The following PEPD variants were observed in gnomAD, a reference collection of about 807,000 sequenced individuals.
The protein encoded by PEPD is xaa-Pro dipeptidase.
A neutral mutation model predicts 60.7 loss-of-function variants in PEPD; 53 were observed. The observed-to-expected ratio is 0.87, with a 90% CI of 0.70 to 1.10. The LOEUF is 1.10. Among genes scored for constraint, PEPD ranks in the 50% least tolerant of loss-of-function variants. The pLI is 0.00. For missense variants in PEPD, 711 were observed against 711.9 expected (o/e 1.00, Z 0.01); for synonymous variants, 267 against 284.1 (o/e 0.94, Z 0.60).
intron 1 of PEPD, among the ~76,000 whole-genome samples, chr19:33,520,640 C>T (rs940115213): frequency 2.6e-5 from 4 of 152,188 alleles, no homozygotes; most frequent in African/African-American, 2.4e-5. Flanking sequence ...GCTCCCTCAA[C>T]CTTGGGGGCC....
chr19:33,442,317 G>A (rs1219960230), intron 9 of PEPD, among the ~76,000 whole-genome samples: 3 of 151,872 alleles, frequency 2.0e-5, no homozygotes, highest in Non-Finnish European at 2.9e-5. Context: ...TGAGGCAGAA[G>A]AATTGCTTGA....
At chr19:33,422,169 T>C (rs1005219703) in intron 9 of PEPD, among the ~76,000 whole-genome samples, 3 of 152,062 alleles carry the variant, frequency 2.0e-5, no homozygotes, top group Non-Finnish European at 4.4e-5. Flanking sequence ...GAACAGCTTT[T>C]TCTCTCTGCC....
intron 13 of PEPD, among the ~76,000 whole-genome samples, chr19:33,389,308 C>T (rs575749109): frequency 7.4e-4 from 113 of 152,218 alleles, no homozygotes; most frequent in African/African-American, 2.5e-3. Flanking sequence ...GGCCGCTGAC[C>T]GGGAGCTGAG....
At chr19:33,455,530 T>G (rs1310612537) in intron 9 of PEPD, among the ~76,000 whole-genome samples, 2 of 150,810 alleles carry the variant, frequency 1.3e-5, no homozygotes, top group Non-Finnish European at 3.0e-5. Context: ...AGAGATGGAG[T>G]CTCACTCTGT....
chr19:33,472,247 G>A (rs1456484167), intron 7 of PEPD, among the ~76,000 whole-genome samples: 4 of 152,096 alleles, frequency 2.6e-5, no homozygotes, highest in Non-Finnish European at 4.4e-5. Context: ...AGGATGACCT[G>A]AGCCTGGGAG....
At chr19:33,480,104 G>A (rs898618674) in intron 6 of PEPD, among the ~76,000 whole-genome samples, 1 of 152,128 alleles carries the variant, frequency 6.6e-6, no homozygotes, top group African/African-American at 2.4e-5. Flanking sequence ...TTTAATAAAA[G>A]CCAGACAGAA....
At position 33,433,486 on chromosome 19, in the gene PEPD, T is replaced by C. The variant is rs891695126; in HGVS notation, c.672-19843A>G. On this transcript the variant is annotated intron_variant, in intron 9 of 14. Transcript: ENST00000244137. ...TATATTAATTTTACATCCCCTTTTT[T>C]ACCTATTTCAGTGGCTATGAACTGT... is the stretch of plus-strand genomic sequence containing the variant. Among the ~76,000 whole-genome samples, 3 of 152,260 alleles carry C rather than the reference T, an allele frequency of 2.0e-5. No homozygotes were observed. In the East Asian group the frequency reaches 5.8e-4, roughly 29 times the overall value.
chr19:33,506,352 ACT>A (rs1243262110), intron 3 of PEPD, among the ~76,000 whole-genome samples: 2 of 132,158 alleles, frequency 1.5e-5, no homozygotes, highest in Non-Finnish European at 1.6e-5. Context: ...AACACAGGAC[ACT>A]CACACCCACC....
chr19:33,407,211 C>T (rs991602012), intron 11 of PEPD, among the ~76,000 whole-genome samples: 5 of 152,228 alleles, frequency 3.3e-5, no homozygotes, highest in Non-Finnish European at 7.3e-5. Flanking sequence ...GCTGCTTTCC[C>T]AACCAGAGCC....
At chr19:33,520,229 G>A (rs2145367116) in intron 1 of PEPD, among the ~76,000 whole-genome samples, 2 of 152,262 alleles carry the variant, frequency 1.3e-5, no homozygotes. Flanking sequence ...CTCCCTGTGA[G>A]CACCGAGCCA....
intron 11 of PEPD, among the ~76,000 whole-genome samples, chr19:33,411,364 C>G (rs1968767477): frequency 6.6e-6 from 1 of 152,206 alleles, no homozygotes; most frequent in South Asian, 2.1e-4. Flanking sequence ...ACAGCCTGGA[C>G]AGAGGCTGGG....
intron 1 of PEPD, among the ~76,000 whole-genome samples, chr19:33,520,382 T>C (rs1258458316): frequency 6.6e-6 from 1 of 152,246 alleles, no homozygotes; most frequent in Non-Finnish European, 1.5e-5. Context: ...GTTCTCTACC[T>C]GAAGGGAGTC....
chr19:33,416,591 G>A (rs538582078), intron 9 of PEPD, among the ~76,000 whole-genome samples: 9 of 152,320 alleles, frequency 5.9e-5, no homozygotes, highest in African/African-American at 1.7e-4. Flanking sequence ...CAAGCCCAGC[G>A]CGCACCTCCT....
chr19:33,453,317 A>AAAAAAATAAAT (rs1555762504), intron 9 of PEPD, among the ~76,000 whole-genome samples: 9 of 148,656 alleles, frequency 6.1e-5, no homozygotes, highest in African/African-American at 1.8e-4. Flanking sequence ...CTGTCATAAA[A>AAAAAAATAAAT]AAATAAATAA....
chr19:33,465,232 G>C (rs917396558), intron 7 of PEPD, among the ~76,000 whole-genome samples: 1 of 152,162 alleles, frequency 6.6e-6, no homozygotes, highest in African/African-American at 2.4e-5. Flanking sequence ...CCAAAGCCAG[G>C]TGGAATGCTC....
chr19:33,457,064 A>T (rs1411919232), intron 9 of PEPD, among the ~76,000 whole-genome samples: 1 of 147,880 alleles, frequency 6.8e-6, no homozygotes, highest in East Asian at 2.0e-4. Flanking sequence ...ACACGGGAGG[A>T]GGACCATGTG....
chr19:33,461,592 T>C (rs937929801), intron 9 of PEPD, among the ~76,000 whole-genome samples: 1 of 152,194 alleles, frequency 6.6e-6, no homozygotes, highest in Non-Finnish European at 1.5e-5. Flanking sequence ...TTATTTTTAT[T>C]TGAAGCATCA....
Position 33,490,006 on chromosome 19 carries a change from C to G in PEPD, c.493G>C (p.Gly165Arg), listed in dbSNP as rs1185474224. 4 of 1,606,374 alleles carry G rather than the reference C, an allele frequency of 2.5e-6. No individual in the cohort carries two copies. The highest frequency in any genetic ancestry group is 1.3e-5 in the African/African-American group (1 of 74,896). The change falls in exon 6 of 15, where the codon GGC (glycine) becomes CGC (arginine). Residue 165 changes from glycine to arginine, a missense_variant. By Grantham distance (125) the Gly-to-Arg change is moderately radical. Transcript: ENST00000244137. ...GSVCREASFD[G>R]ISKFEVNNTI... Reference sequence around the variant, plus strand: ...GGGCCCAGGACTCACTTGCTGATGCCGTCAAAGGAGGCCTCCCTGCAGACA... The same window carrying G: ...GGGCCCAGGACTCACTTGCTGATGCGGTCAAAGGAGGCCTCCCTGCAGACA...
chr19:33,445,239 T>C (rs1463983625), intron 9 of PEPD, among the ~76,000 whole-genome samples: 1 of 152,218 alleles, frequency 6.6e-6, no homozygotes, highest in African/African-American at 2.4e-5. Context: ...GGCTGCCTGC[T>C]GCCTCGCTGC....
Sources: gnomAD v4.1 joint callset for allele counts (sites outside exome capture counted in the v4.1 genomes callset) on GRCh38, gnomAD v4.1.1 for gene constraint, MANE v1.5 for transcripts, NCBI Gene and HGNC (gene_info 2026-07-23, HGNC 2026-07-21) for gene names.